The following PCDHA1 variants were observed in gnomAD, a reference collection of about 807,000 sequenced individuals.
The protein encoded by PCDHA1 is protocadherin alpha 1.
A neutral mutation model predicts 61.3 loss-of-function variants in PCDHA1; 42 were observed. The ratio of observed to expected loss-of-function variants is 0.69; its 90% CI spans 0.54 to 0.89. PCDHA1 has a LOEUF of 0.89. PCDHA1 is among the 40% of genes least tolerant of loss of function. PCDHA1 has a pLI of 0.00. For missense variants in PCDHA1, 1,256 were observed against 1,235.3 expected, an observed-to-expected ratio of 1.02 and a Z score of -0.25; for synonymous variants, 610 against 553.8, an observed-to-expected ratio of 1.10 and a Z score of -1.43.
At chr5:140,956,925 G>GA (rs1487375223) in intron 1 of PCDHA1, among the ~76,000 whole-genome samples, 1 of 151,858 alleles carries the variant, frequency 6.6e-6, no homozygotes, top group Non-Finnish European at 1.5e-5. Context: ...AATCTTGCTG[G>GA]ATATAGGATA....
At chr5:140,983,437 A>C (rs1046174445) in intron 3 of PCDHA1, among the ~76,000 whole-genome samples, 1 of 152,202 alleles carries the variant, frequency 6.6e-6, no homozygotes, top group African/African-American at 2.4e-5. Flanking sequence ...AATTGTGTCT[A>C]CTCTAATCCT....
intron 1 of PCDHA1, chr5:140,814,416 CT>C (rs1765510586): frequency 6.6e-6 from 1 of 150,478 alleles, no homozygotes; most frequent in Non-Finnish European, 1.5e-5. Context: ...TCCCAAAAGA[CT>C]TTCCTGAGGC....
intron 1 of PCDHA1, chr5:140,797,604 C>A: frequency 2.0e-6 from 1 of 505,698 alleles, no homozygotes; most frequent in Non-Finnish European, 3.5e-6. Flanking sequence ...GACCATGAAA[C>A]ACTGAAAAAC....
At chr5:140,968,437 A>G (rs1267054987) in intron 1 of PCDHA1, 2 of 1,614,072 alleles carry the variant, frequency 1.2e-6, no homozygotes, top group Admixed American at 3.3e-5. Context: ...AGGGGAGCCC[A>G]CCACTGAGCA....
At chr5:140,829,978 C>T (rs2150179032) in intron 1 of PCDHA1, 1 of 1,613,968 alleles carries the variant, frequency 6.2e-7, no homozygotes, top group South Asian at 1.1e-5. Context: ...TGTACACGGG[C>T]GAGATCAGCA....
intron 1 of PCDHA1, chr5:140,828,181 G>C (rs2150151926): frequency 6.2e-7 from 1 of 1,614,176 alleles, no homozygotes; most frequent in Non-Finnish European, 8.5e-7. Context: ...GGAGCGGCCA[G>C]CTCCACTACT....
intron 1 of PCDHA1, chr5:140,968,554 A>G (rs782240700): frequency 1.9e-6 from 3 of 1,614,162 alleles, no homozygotes; most frequent in Non-Finnish European, 2.5e-6. Context: ...TGGTGCCTCG[A>G]ACTGCCCCTG....
At chr5:140,903,635 A>T (rs2070455281) in intron 1 of PCDHA1, among the ~76,000 whole-genome samples, 1 of 152,244 alleles carries the variant, frequency 6.6e-6, no homozygotes, top group Non-Finnish European at 1.5e-5. Context: ...ATGTATGCAT[A>T]TACCATATAC....
chr5:140,918,703 A>G (rs2153549940), intron 1 of PCDHA1, among the ~76,000 whole-genome samples: 1 of 152,306 alleles, frequency 6.6e-6, no homozygotes, highest in Non-Finnish European at 1.5e-5. Context: ...TTAAGTCATG[A>G]GGGCAGAGCC....
At chr5:140,858,508 T>C (rs1554151704) in intron 1 of PCDHA1, 2 of 1,443,968 alleles carry the variant, frequency 1.4e-6, no homozygotes, top group East Asian at 2.5e-5. Context: ...TTTTCTCAAA[T>C]ATGTATCAGA....
At chr5:140,883,288 A>G (rs781835023) in intron 1 of PCDHA1, 1 of 1,614,110 alleles carries the variant, frequency 6.2e-7, no homozygotes, top group Non-Finnish European at 8.5e-7. Context: ...TGGTGGAAGT[A>G]CTAGATGTAA....
intron 1 of PCDHA1, chr5:140,816,812 C>T (rs1765998707): frequency 6.6e-6 from 1 of 151,610 alleles, no homozygotes; most frequent in Admixed American, 6.6e-5. Flanking sequence ...TTAAGATGCT[C>T]TAATCTTTTT....
At chr5:140,983,617 G>C (rs868994554) in intron 3 of PCDHA1, among the ~76,000 whole-genome samples, 1 of 152,228 alleles carries the variant, frequency 6.6e-6, no homozygotes, top group Admixed American at 6.5e-5. Context: ...GAGGCAGAGA[G>C]ATTAAGAAAT....
chr5:140,903,721 C>T (rs2070530222), intron 1 of PCDHA1, among the ~76,000 whole-genome samples: 1 of 152,152 alleles, frequency 6.6e-6, no homozygotes, highest in African/African-American at 2.4e-5. Flanking sequence ...ACAATTCTCC[C>T]TATTATCAAT....
At chr5:140,850,996 T>A (rs2150505224) in intron 1 of PCDHA1, 3 of 1,441,956 alleles carry the variant, frequency 2.1e-6, no homozygotes, top group South Asian at 1.6e-5. Flanking sequence ...TTTCTAGAAA[T>A]CCAGCAGATT....
At chr5:140,884,523 A>T (rs1393275293) in intron 1 of PCDHA1, 1 of 1,614,030 alleles carries the variant, frequency 6.2e-7, no homozygotes, top group Non-Finnish European at 8.5e-7. Flanking sequence ...TCGTACTCGC[A>T]GCAGAGGCGG....
intron 1 of PCDHA1, among the ~76,000 whole-genome samples, chr5:140,898,029 TG>T (rs1583292931): frequency 6.6e-6 from 1 of 152,188 alleles, no homozygotes; most frequent in East Asian, 1.9e-4. Context: ...CACTTTTTGA[TG>T]GGGTTGTTTG....
At chr5:140,809,584 A>G in intron 1 of PCDHA1, 3 of 1,548,856 alleles carry the variant, frequency 1.9e-6, no homozygotes, top group Non-Finnish European at 2.6e-6. Context: ...TTAGTGTATA[A>G]CATCCTTTTG....
At chr5:140,829,504 C>T in intron 1 of PCDHA1, 1 of 1,613,582 alleles carries the variant, frequency 6.2e-7, no homozygotes, top group South Asian at 1.1e-5. Context: ...ACCCGCCGGG[C>T]TGCCACATCT....
Sources: gnomAD v4.1 joint callset for allele counts (sites outside exome capture counted in the v4.1 genomes callset) on GRCh38, gnomAD v4.1.1 for gene constraint, MANE v1.5 for transcripts, NCBI Gene and HGNC (gene_info 2026-07-23, HGNC 2026-07-21) for gene names.